Variants in RAG1 observed in about 807,000 individuals in gnomAD.
The protein encoded by RAG1 is recombination activating 1.
RAG1 carries 35 observed loss-of-function variants against 62.7 expected under a neutral mutation model. The observed-to-expected ratio is 0.56, with a 90% CI of 0.43 to 0.74. The LOEUF is 0.74. RAG1 is among the 30% of genes least tolerant of loss of function. The pLI is 0.00. For missense variants in RAG1, 1,169 were observed against 1,278.6 expected (o/e 0.91, Z 1.31); for synonymous variants, 461 against 470.3 (o/e 0.98, Z 0.26).
intron 2 of RAG1, among the ~76,000 whole-genome samples, chr11:36,523,640 G>A (rs537091437): frequency 1.4e-4 from 22 of 152,112 alleles, no homozygotes; most frequent in Admixed American, 2.6e-4. Context: ...TTCTCCAAAT[G>A]TACTTCAAAT....
intron 1 of RAG1, 31 bp from the exon 2 acceptor site, chr11:36,573,260 T>C: frequency 1.2e-6 from 2 of 1,610,556 alleles, no homozygotes; most frequent in Admixed American, 1.7e-5. Context: ...TTGATATTGG[T>C]CTTAATATGA....
rs766378998 is a variant in RAG1, at chr11:36,574,092, TGAA to T, written c.794_796del (p.Lys265del). On this transcript the variant is annotated inframe_deletion, in exon 2 of 2. Transcript: ENST00000299440. ...GCAAGGATCAGCAGCAAGGATGTCATGAAGAAGATCGCCAACTGCAGTAAGATA... is the reference window on the plus strand; with the variant it reads ...GCAAGGATCAGCAGCAAGGATGTCATGAAGATCGCCAACTGCAGTAAGATA... The T allele has an allele frequency of 1.1e-5, 18 of 1,614,080 alleles. No individual in the cohort carries two copies. The East Asian group carries it at 3.6e-4, about 32-fold the overall frequency.
intron 3 of RAG1, among the ~76,000 whole-genome samples, chr11:36,560,792 A>G (rs1362862741): frequency 1.3e-5 from 2 of 152,118 alleles, no homozygotes; most frequent in African/African-American, 2.4e-5. Flanking sequence ...TTTCCCCACT[A>G]TAGGGAATCC....
In RAG1 at chr11:36,576,931, G is replaced by A. The variant is rs1405760202; in HGVS notation, c.*495G>A. On this transcript the variant is annotated 3_prime_UTR_variant, in exon 2 of 2. Coordinates refer to ENST00000299440, the MANE Select transcript of RAG1 (RefSeq NM_000448.3). Reference sequence around the variant, plus strand: ...TTACATATCTTGGCTTGCTATATAAGATTCAAAAGAGCTTTTTAAATTTTT... The same window carrying A: ...TTACATATCTTGGCTTGCTATATAAAATTCAAAAGAGCTTTTTAAATTTTT... 3.4e-5 allele frequency: 6 copies of A among 176,118 alleles called. No individual in the cohort carries two copies. In the Admixed American group the frequency reaches 3.4e-4, roughly 10 times the overall value. The allele number at this position is 176,118 out of a possible 1,614,324, so 10.9% of individuals were successfully genotyped here. A position where few individuals can be genotyped will look rare whatever the true frequency, so the allele number is the denominator to read the frequency against.
At chr11:36,530,277 G>T (rs897119823) in intron 2 of RAG1, among the ~76,000 whole-genome samples, 73 of 152,004 alleles carry the variant, frequency 4.8e-4, no homozygotes, top group African/African-American at 1.8e-3. Context: ...CAAATAATGA[G>T]TCTTTGTTTT....
chr11:36,549,213 G>A lies in RAG1; in HGVS notation c.-412+13179G>A, dbSNP rs533641025. The stretch of plus-strand genomic sequence containing the variant: ...AATACCATTCAGGATATAGGCATGG[G>A]CAAAGACTTCATGACTAAAACACCA... On this transcript the variant is annotated intron_variant and NMD_transcript_variant, in intron 3 of 9. Coordinates refer to the RAG1 transcript ENST00000534663. 1.8e-3 allele frequency among the ~76,000 whole-genome samples: 275 copies of A among 152,292 alleles called. 1 individual carries two copies. Among genetic ancestry groups the A allele is most frequent in the African/African-American group, 6.1e-3 (255 of 41,574 alleles).
intron 3 of RAG1, among the ~76,000 whole-genome samples, chr11:36,549,678 A>G (rs2133273010): frequency 6.6e-6 from 1 of 152,348 alleles, no homozygotes; most frequent in African/African-American, 2.4e-5. Flanking sequence ...AGTGTAAATT[A>G]GTTCAACTGT....
chr11:36,564,683 CA>C (rs1264836308), upstream of RAG1, among the ~76,000 whole-genome samples: 2 of 152,182 alleles, frequency 1.3e-5, no homozygotes, highest in East Asian at 1.9e-4. Flanking sequence ...ATTTTACTAA[CA>C]GGGGTAATTC....
At chr11:36,536,036 T>C (rs1044744476), downstream of RAG1, 8 of 152,118 alleles carry the variant, frequency 5.3e-5, no homozygotes, top group Admixed American at 1.3e-4. Flanking sequence ...GTTAACTAGG[T>C]GAGTCTTTCA....
chr11:36,547,391 A>G (rs1850410969), intron 3 of RAG1, among the ~76,000 whole-genome samples: 1 of 152,196 alleles, frequency 6.6e-6, no homozygotes, highest in Admixed American at 6.5e-5. Context: ...AGACTAATAA[A>G]GAAGGAAAGA....
chr11:36,516,345 G>A (rs1339075837), intron 1 of RAG1, among the ~76,000 whole-genome samples: 4 of 152,216 alleles, frequency 2.6e-5, no homozygotes, highest in Non-Finnish European at 5.9e-5. Context: ...TTTTTGAGAC[G>A]GAGTCTCGCT....
chr11:36,568,784 A>G (rs948629140), intron 1 of RAG1, among the ~76,000 whole-genome samples: 1 of 152,208 alleles, frequency 6.6e-6, no homozygotes, highest in Non-Finnish European at 1.5e-5. Context: ...ATTCCTGGCC[A>G]GGGATTGTGA....
At chr11:36,535,431 G>T (rs1475227154) in intron 2 of RAG1, among the ~76,000 whole-genome samples, 1 of 152,130 alleles carries the variant, frequency 6.6e-6, no homozygotes, top group African/African-American at 2.4e-5. Context: ...AGTTCAACAT[G>T]TTAATTATAA....
rs1850864579 is a variant in RAG1, at chr11:36,577,146, T to C, written c.*710T>C. 1 of 167,004 alleles carries C rather than the reference T, an allele frequency of 6.0e-6. No individual in the cohort carries two copies. The highest frequency in any genetic ancestry group is 2.4e-5 in the African/African-American group (1 of 41,458). The allele number at this position is 167,004 out of a possible 1,614,324, so 10.3% of individuals were successfully genotyped here. ...TCATCTGCTGTCATGGATTTTTCAA[T>C]AATGAATTTAGAATACACCTGTTAG... On this transcript the variant is annotated 3_prime_UTR_variant, in exon 2 of 2. Coordinates refer to ENST00000299440, the MANE Select transcript of RAG1 (RefSeq NM_000448.3).
chr11:36,573,484 G>A lies in RAG1; in HGVS notation c.180G>A (p.Glu60=). Residue 60 remains glutamate (E), a synonymous_variant, in exon 2 of 2, where the codon GAG becomes GAA. Transcript: ENST00000299440. ...KDSFEGKPSL[E]QSPAVLDKAD... is the part of the protein sequence containing the mutation. ...CCTTTGAGGGGAAACCCTCTCTGGA[G>A]CAATCTCCAGCAGTCCTGGACAAGG... 1 of 1,614,224 alleles carries A rather than the reference G, an allele frequency of 6.2e-7. No homozygotes were observed. Among genetic ancestry groups the A allele is most frequent in the African/African-American group, 1.3e-5 (1 of 75,060 alleles).
At chr11:36,564,966 T>C (rs552357097), upstream of RAG1, among the ~76,000 whole-genome samples, 1 of 152,324 alleles carries the variant, frequency 6.6e-6, no homozygotes, top group South Asian at 2.1e-4. Context: ...ATCGGATTTG[T>C]AATGCTATTT....
In RAG1 at chr11:36,518,108, C is replaced by A. The variant is rs570138939; in HGVS notation, n.331-2024C>A. ...ACAGTGTTTGGTTTTTTTGTCCTTG[C>A]GATAGTTTGCTGAGAATGATGGTTT... On this transcript the variant is annotated intron_variant and non_coding_transcript_variant, in intron 1 of 2. Coordinates refer to the RAG1 transcript ENST00000529126. Among the ~76,000 whole-genome samples, 20 of 150,364 alleles carry A rather than the reference C, an allele frequency of 1.3e-4. No homozygotes were observed. The South Asian group carries it at 3.8e-3, about 29-fold the overall frequency.
At chr11:36,546,912 T>C (rs376560969) in intron 3 of RAG1, among the ~76,000 whole-genome samples, 210 of 152,300 alleles carry the variant, frequency 1.4e-3, no homozygotes, top group African/African-American at 4.6e-3. Flanking sequence ...GCAGGGTTTC[T>C]GTGGAGACAT....
chr11:36,564,602 G>A (rs954384858), upstream of RAG1, among the ~76,000 whole-genome samples: 10 of 152,184 alleles, frequency 6.6e-5, no homozygotes, highest in African/African-American at 2.2e-4. Context: ...CAGAAAGCCC[G>A]CAGCAGATCT....
Sources: allele counts gnomAD v4.1 joint callset (sites outside exome capture counted in the v4.1 genomes callset), GRCh38; gene constraint gnomAD v4.1.1; transcripts MANE v1.5; gene names NCBI Gene and HGNC (gene_info 2026-07-23, HGNC 2026-07-21).